Variants in CFAP20DC observed in about 807,000 individuals in gnomAD.
CFAP20DC encodes the protein protein CFAP20DC.
Under a neutral mutation model 101.7 loss-of-function variants are expected in CFAP20DC, and 84 were observed. The observed-to-expected ratio is 0.83, with a 90% CI of 0.69 to 0.99. The LOEUF (loss-of-function observed/expected upper bound fraction) is 0.99. Among genes scored for constraint, CFAP20DC ranks in the 50% least tolerant of loss-of-function variants. The pLI is 0.00. For missense variants in CFAP20DC, 1,007 were observed against 970.3 expected, an observed-to-expected ratio of 1.04 and a Z score of -0.50; for synonymous variants, 359 against 351.2, an observed-to-expected ratio of 1.02 and a Z score of -0.25.
At chr3:58,973,694 G>C (rs796382399) in intron 4 of CFAP20DC, among the ~76,000 whole-genome samples, 2 of 152,308 alleles carry the variant, frequency 1.3e-5, no homozygotes, top group African/African-American at 4.8e-5. Flanking sequence ...TTAAAATGAA[G>C]AGACTATCAT....
chr3:59,030,984 C>T (rs568833288), intron 4 of CFAP20DC, among the ~76,000 whole-genome samples: 120 of 152,154 alleles, frequency 7.9e-4, no homozygotes, highest in African/African-American at 1.9e-3. Context: ...CCACCACTCC[C>T]GGCTAATTTT....
chr3:58,718,560 G>A (rs988435176), intron 3 of CFAP20DC, among the ~76,000 whole-genome samples: 1 of 152,184 alleles, frequency 6.6e-6, no homozygotes, highest in African/African-American at 2.4e-5. Flanking sequence ...ATGAATATGA[G>A]GTTGACAAGC....
intron 4 of CFAP20DC, among the ~76,000 whole-genome samples, chr3:59,025,285 C>A (rs1353511997): frequency 6.6e-6 from 1 of 152,024 alleles, no homozygotes; most frequent in Non-Finnish European, 1.5e-5. Flanking sequence ...AGAGAACTTG[C>A]ATAAGTCAAT....
chr3:58,941,345 A>AG (rs1192609537), intron 4 of CFAP20DC, among the ~76,000 whole-genome samples: 15 of 148,806 alleles, frequency 1.0e-4, no homozygotes, highest in African/African-American at 3.3e-4. Context: ...AAAAAAAAAA[A>AG]AAAAAAAAAA....
chr3:58,919,938 CGTT>C (rs1465210314), intron 5 of CFAP20DC, among the ~76,000 whole-genome samples: 3 of 151,932 alleles, frequency 2.0e-5, no homozygotes, highest in Non-Finnish European at 4.4e-5. Flanking sequence ...TAAATGATGA[CGTT>C]GTTTGCAAAG....
intron 15 of CFAP20DC, among the ~76,000 whole-genome samples, chr3:58,805,824 T>TC (rs764086771): frequency 2.0e-5 from 3 of 152,238 alleles, no homozygotes; most frequent in Non-Finnish European, 4.4e-5. Flanking sequence ...ATGAGGTTTT[T>TC]CCTTAGTGAC....
rs1324744540 is a variant in CFAP20DC at position 59,007,232 on chromosome 3, C to G, written c.278+32325G>C. Among the ~76,000 whole-genome samples the G allele has an allele frequency of 1.3e-5, 2 of 152,180 alleles. No individual in the cohort carries two copies. Among genetic ancestry groups the G allele is most frequent in the Admixed American group, 1.3e-4 (2 of 15,286 alleles). Reference sequence around the variant, plus strand: ...AGCTCATACTCACCTAATCCTGCCCCCATCTGAAGGTACTCCTCTACCCGC... The same window carrying G: ...AGCTCATACTCACCTAATCCTGCCCGCATCTGAAGGTACTCCTCTACCCGC... On this transcript the variant is annotated intron_variant, in intron 4 of 16. Coordinates refer to ENST00000482387, the MANE Select transcript of CFAP20DC (RefSeq NM_001394063.1). The surrounding 1 kb of genome is among the most constrained non-coding windows in gnomAD (Gnocchi z 4.4).
intron 4 of CFAP20DC, among the ~76,000 whole-genome samples, chr3:59,012,382 G>GAGAA (rs1430578819): frequency 6.6e-6 from 1 of 152,154 alleles, no homozygotes; most frequent in Non-Finnish European, 1.5e-5. Flanking sequence ...AATATGCTGA[G>GAGAA]AGAAAGAAAG....
intron 5 of CFAP20DC, among the ~76,000 whole-genome samples, chr3:58,915,602 G>C (rs897480122): frequency 6.6e-6 from 1 of 152,010 alleles, no homozygotes; most frequent in Non-Finnish European, 1.5e-5. Context: ...AGTCCTTTCA[G>C]TCTGGGAAGG....
intron 13 of CFAP20DC, among the ~76,000 whole-genome samples, chr3:58,844,250 T>A (rs1172605758): frequency 6.8e-6 from 1 of 147,520 alleles, no homozygotes; most frequent in South Asian, 2.3e-4. Flanking sequence ...CCCATCAGTG[T>A]GCTGTATTCA....
At chr3:58,881,286 A>C (rs1456919864) in intron 7 of CFAP20DC, among the ~76,000 whole-genome samples, 1 of 152,144 alleles carries the variant, frequency 6.6e-6, no homozygotes, top group Non-Finnish European at 1.5e-5. Flanking sequence ...TTTTTAAGTA[A>C]GTTACTAGTT....
chr3:58,919,968 C>T (rs1258016750), intron 5 of CFAP20DC, among the ~76,000 whole-genome samples: 3 of 151,598 alleles, frequency 2.0e-5, no homozygotes, highest in Non-Finnish European at 2.9e-5. Context: ...TTACATTTTC[C>T]TTTCCAATCT....
At chr3:59,022,184 A>G in intron 4 of CFAP20DC, among the ~76,000 whole-genome samples, 1 of 152,106 alleles carries the variant, frequency 6.6e-6, no homozygotes, top group Non-Finnish European at 1.5e-5. Flanking sequence ...TTATGAAATC[A>G]TAATTACATG....
rs746180726 is a variant in CFAP20DC at position 58,913,645 on chromosome 3, G to A, written c.550+63C>T. The A allele has an allele frequency of 1.3e-6, 2 of 1,534,746 alleles. No individual in the cohort carries two copies. Among genetic ancestry groups the A allele is most frequent in the Non-Finnish European group, 1.8e-6 (2 of 1,109,316 alleles). ...TACCACACACTCATACTATCCCAAA[G>A]GTATGGCTAATTTTAAAAATACATC... On this transcript the variant is annotated intron_variant, in intron 6 of 16. Transcript: ENST00000482387. This position sits in a 1 kb window ranked among gnomAD's most constrained non-coding sequence, Gnocchi z 4.4.
chr3:59,021,815 C>G (rs1247241232), intron 4 of CFAP20DC, among the ~76,000 whole-genome samples: 1 of 151,112 alleles, frequency 6.6e-6, no homozygotes, highest in Non-Finnish European at 1.5e-5. Context: ...AAGAGAGAGA[C>G]AGAGAGAGAG....
chr3:58,772,267 T>C (rs2070918653), intron 15 of CFAP20DC, among the ~76,000 whole-genome samples: 1 of 152,168 alleles, frequency 6.6e-6, no homozygotes, highest in African/African-American at 2.4e-5. Flanking sequence ...GTAAGGATAC[T>C]GAACAATTAC....
intron 4 of CFAP20DC, among the ~76,000 whole-genome samples, chr3:58,979,667 C>A (rs1035828403): frequency 1.3e-5 from 2 of 152,160 alleles, no homozygotes; most frequent in Non-Finnish European, 2.9e-5. Flanking sequence ...ACTTTAGGCG[C>A]TTGTCAAAAA....
At chr3:58,870,426 C>A (rs933514556) in intron 7 of CFAP20DC, 117 bp from the exon 8 acceptor site, 4 of 939,078 alleles carry the variant, frequency 4.3e-6, no homozygotes, top group South Asian at 3.1e-5. Context: ...CCCCCTCCCC[C>A]CTCAGCATGT....
At chr3:58,955,561 C>G (rs1310194603) in intron 4 of CFAP20DC, among the ~76,000 whole-genome samples, 1 of 152,136 alleles carries the variant, frequency 6.6e-6, no homozygotes, top group Non-Finnish European at 1.5e-5. Context: ...GCAATTAAAA[C>G]TTAAGTTCCT....
Sources: gnomAD v4.1 joint callset for allele counts (sites outside exome capture counted in the v4.1 genomes callset) on GRCh38, gnomAD v4.1.1 for gene constraint, Gnocchi (gnomAD v3.1) non-coding constraint, MANE v1.5 for transcripts, NCBI Gene and HGNC (gene_info 2026-07-23, HGNC 2026-07-21) for gene names.